The following ERI1 variants were observed in gnomAD, a reference collection of about 807,000 sequenced individuals.
ERI1 encodes 3'-5' exoribonuclease 1.
Under a neutral mutation model 39.7 loss-of-function variants are expected in ERI1, and 39 were observed. The observed-to-expected ratio is 0.98, with a 90% CI of 0.76 to 1.28. The LOEUF is 1.28. Among genes scored for constraint, ERI1 ranks in the 50% most tolerant of loss-of-function variants. The probability of loss-of-function intolerance (pLI) is 0.00; values close to 1 mark genes in which losing one functional copy is unlikely to be tolerated. For synonymous variants in ERI1, 204 were observed against 149.6 expected, an observed-to-expected ratio of 1.36 and a Z score of -2.65; for missense variants, 581 against 416.9, an observed-to-expected ratio of 1.39 and a Z score of -3.43.
In ERI1 at chr8:9,058,573, G is replaced by C. The variant is rs141706208; in HGVS notation, n.299+38109G>C. On this transcript the variant is annotated intron_variant and non_coding_transcript_variant, in intron 3 of 3. Coordinates refer to the ERI1 transcript ENST00000518663. ...CTGTTTAACATTTTTTTCTCTACAC[G>C]TTTAGAGGAACTTCTCTAGTAGCAA... is the stretch of plus-strand genomic sequence containing the variant. Among the ~76,000 whole-genome samples the C allele has an allele frequency of 8.5e-3, 1,297 of 152,114 alleles. 9 individuals are homozygous for C. Among genetic ancestry groups the C allele is most frequent in the Middle Eastern group, 0.02 (6 of 294 alleles).
At chr8:9,021,834 G>C (rs1435288631) in intron 6 of ERI1, among the ~76,000 whole-genome samples, 1 of 142,780 alleles carries the variant, frequency 7.0e-6, no homozygotes, top group Non-Finnish European at 1.5e-5. Flanking sequence ...TGTCACTGCA[G>C]TTCATTCACT....
intron 3 of ERI1, among the ~76,000 whole-genome samples, chr8:9,087,109 T>C (rs1340895571): frequency 6.6e-6 from 1 of 152,150 alleles, no homozygotes; most frequent in Non-Finnish European, 1.5e-5. Context: ...GGTTCATGTG[T>C]GCCATGGTGG....
chr8:9,098,073 G>A (rs947284034), intron 3 of ERI1, among the ~76,000 whole-genome samples: 14 of 152,182 alleles, frequency 9.2e-5, no homozygotes, highest in Non-Finnish European at 2.1e-4. Context: ...TAAGCTATGA[G>A]GATGCAAAGA....
At chr8:9,047,539 G>C (rs1041199410) in intron 3 of ERI1, among the ~76,000 whole-genome samples, 4 of 152,064 alleles carry the variant, frequency 2.6e-5, no homozygotes, top group Non-Finnish European at 4.4e-5. Flanking sequence ...AAATTAGCCA[G>C]GCTAATTTTT....
chr8:9,010,625 A>T (rs980476707), intron 2 of ERI1, among the ~76,000 whole-genome samples: 1 of 152,162 alleles, frequency 6.6e-6, no homozygotes, highest in African/African-American at 2.4e-5. Flanking sequence ...GGCACTACAC[A>T]TTAATTATAA....
chr8:9,081,799 C>G (rs925462007), intron 3 of ERI1, among the ~76,000 whole-genome samples: 1 of 151,824 alleles, frequency 6.6e-6, no homozygotes, highest in Admixed American at 6.6e-5. Flanking sequence ...TGTACAGAGA[C>G]AAAGGGAGGG....
At chr8:9,044,286 T>TA (rs1798110773) in intron 3 of ERI1, among the ~76,000 whole-genome samples, 1 of 152,196 alleles carries the variant, frequency 6.6e-6, no homozygotes, top group Admixed American at 6.5e-5. Context: ...TAGAGCTCCT[T>TA]ACATTTTCTC....
chr8:9,017,539 A>T (rs974946453), intron 4 of ERI1, among the ~76,000 whole-genome samples: 1 of 152,120 alleles, frequency 6.6e-6, no homozygotes, highest in Admixed American at 6.5e-5. Flanking sequence ...TCAGTGTTTT[A>T]TTGCGGTGTT....
intron 6 of ERI1, among the ~76,000 whole-genome samples, chr8:9,023,452 T>G (rs1433602016): frequency 1.3e-5 from 2 of 152,184 alleles, no homozygotes; most frequent in African/African-American, 2.4e-5. Flanking sequence ...TGCATAAATC[T>G]ACAGCTCACA....
intron 3 of ERI1, among the ~76,000 whole-genome samples, chr8:9,066,613 T>A (rs1267985798): frequency 6.6e-6 from 1 of 152,232 alleles, no homozygotes; most frequent in South Asian, 2.1e-4. Context: ...TAGGACATTT[T>A]GTTATTCAAG....
At chr8:9,084,584 T>G (rs1316157448) in intron 3 of ERI1, among the ~76,000 whole-genome samples, 1 of 152,146 alleles carries the variant, frequency 6.6e-6, no homozygotes, top group African/African-American at 2.4e-5. Context: ...CTGCAAGATT[T>G]TGACTAGGAC....
chr8:9,003,493 T>G (rs1815600595), intron 1 of ERI1, among the ~76,000 whole-genome samples: 1 of 152,228 alleles, frequency 6.6e-6, no homozygotes, highest in Non-Finnish European at 1.5e-5. Context: ...GTAGCCGTTA[T>G]GGGTAGTTTG....
chr8:9,045,655 T>C (rs904752553), intron 3 of ERI1, among the ~76,000 whole-genome samples: 7 of 151,530 alleles, frequency 4.6e-5, no homozygotes, highest in Non-Finnish European at 8.8e-5. Context: ...ATAAATCTAA[T>C]TTATCATCAG....
intron 3 of ERI1, among the ~76,000 whole-genome samples, chr8:9,062,504 G>A (rs553720084): frequency 6.7e-6 from 1 of 148,836 alleles, no homozygotes. Context: ...GTTTTAAGAG[G>A]TTTAGAAGCC....
At chr8:9,035,135 C>G (rs1339226161), downstream of ERI1, among the ~76,000 whole-genome samples, 1 of 152,138 alleles carries the variant, frequency 6.6e-6, no homozygotes, top group Admixed American at 6.6e-5. Context: ...TAAAACAGTG[C>G]AAGGTAAAGC....
At chr8:9,050,792 C>T (rs139065824) in intron 3 of ERI1, among the ~76,000 whole-genome samples, 8 of 152,268 alleles carry the variant, frequency 5.3e-5, no homozygotes, top group African/African-American at 1.7e-4. Context: ...ACCACAACTC[C>T]GGGCCTCTTC....
intron 3 of ERI1, among the ~76,000 whole-genome samples, chr8:9,069,894 G>T (rs555561293): frequency 6.6e-6 from 1 of 152,204 alleles, no homozygotes; most frequent in East Asian, 1.9e-4. Flanking sequence ...GCAGGTTTTA[G>T]AAAGTCGCTC....
At chr8:9,026,888 T>C (rs1003211190) in intron 6 of ERI1, among the ~76,000 whole-genome samples, 22 of 152,174 alleles carry the variant, frequency 1.4e-4, no homozygotes, top group African/African-American at 4.6e-4. Flanking sequence ...GATTGTTTGA[T>C]GGACATTTAA....
At chr8:9,018,241 A>T in intron 4 of ERI1, 56 bp from the exon 5 acceptor site, 1 of 940,244 alleles carries the variant, frequency 1.1e-6, no homozygotes, top group Non-Finnish European at 1.7e-6. Context: ...GGTATTTTGT[A>T]GGTCTACGTG....
Sources: allele counts gnomAD v4.1 joint callset (sites outside exome capture counted in the v4.1 genomes callset), GRCh38; gene constraint gnomAD v4.1.1; transcripts MANE v1.5; gene names NCBI Gene and HGNC (gene_info 2026-07-23, HGNC 2026-07-21).